The following CACNB2 variants were observed in gnomAD, a reference collection of about 807,000 sequenced individuals.
The protein encoded by CACNB2 is voltage-dependent L-type calcium channel subunit beta-2.
CACNB2 carries 42 observed loss-of-function variants against 73.3 expected under a neutral mutation model. The observed-to-expected ratio is 0.57, with a 90% CI of 0.45 to 0.74. The LOEUF is 0.74. Among genes scored for constraint, CACNB2 ranks in the 30% least tolerant of loss-of-function variants. The probability of loss-of-function intolerance (pLI) is 0.00; values close to 1 mark genes in which losing one functional copy is unlikely to be tolerated. For synonymous variants in CACNB2, 348 were observed against 310.3 expected, an observed-to-expected ratio of 1.12 and a Z score of -1.28; for missense variants, 940 against 853.0, an observed-to-expected ratio of 1.10 and a Z score of -1.27.
chr10:18,401,180 A>AG (rs2043977033), intron 2 of CACNB2: 8 of 1,552,582 alleles, frequency 5.2e-6, no homozygotes, highest in Non-Finnish European at 4.4e-6. Flanking sequence ...GCAGGTAGAG[A>AG]GGGTGGTTTG....
At chr10:18,443,081 G>A (rs1314554149) in intron 3 of CACNB2, among the ~76,000 whole-genome samples, 3 of 147,586 alleles carry the variant, frequency 2.0e-5, no homozygotes, top group Admixed American at 6.8e-5. Context: ...TATGAAGGCT[G>A]AACAGATCTT....
intron 9 of CACNB2, among the ~76,000 whole-genome samples, 159 bp from the exon 10 acceptor site, chr10:18,527,429 A>G (rs1049301562): frequency 1.3e-5 from 2 of 152,172 alleles, no homozygotes; most frequent in Admixed American, 6.6e-5. Flanking sequence ...TGAATAAGTA[A>G]AAAGAAAAAA....
intron 2 of CACNB2, among the ~76,000 whole-genome samples, chr10:18,366,287 A>C (rs1308101230): frequency 1.3e-5 from 2 of 151,418 alleles, no homozygotes; most frequent in Non-Finnish European, 2.9e-5. Context: ...AACACGGTGA[A>C]ACCCCGTCTC....
At chr10:18,430,452 C>T (rs1225039625) in intron 3 of CACNB2, among the ~76,000 whole-genome samples, 2 of 151,960 alleles carry the variant, frequency 1.3e-5, no homozygotes, top group Admixed American at 6.6e-5. Flanking sequence ...TAGGGAGACC[C>T]TGTCTCTTAA....
chr10:18,496,987 G>A (rs1469813676), intron 3 of CACNB2, among the ~76,000 whole-genome samples: 2 of 151,526 alleles, frequency 1.3e-5, no homozygotes, highest in Non-Finnish European at 2.9e-5. Context: ...GAGGCGGGCA[G>A]ATCACCCAAG....
At chr10:18,336,021 G>A (rs1353763715) in intron 2 of CACNB2, among the ~76,000 whole-genome samples, 1 of 152,080 alleles carries the variant, frequency 6.6e-6, no homozygotes, top group Non-Finnish European at 1.5e-5. Context: ...AAAGTGGGCT[G>A]GGTTTGGAAA....
chr10:18,234,910 G>A (rs1159694251), intron 2 of CACNB2, among the ~76,000 whole-genome samples: 1 of 152,040 alleles, frequency 6.6e-6, no homozygotes, highest in Admixed American at 6.6e-5. Context: ...TTGGGAGGCT[G>A]AGGCGGGCAG....
At chr10:18,381,586 G>A (rs1462947591) in intron 2 of CACNB2, among the ~76,000 whole-genome samples, 2 of 151,764 alleles carry the variant, frequency 1.3e-5, no homozygotes, top group Non-Finnish European at 2.9e-5. Context: ...TACTGGGGTG[G>A]CTGAGGCAGG....
At chr10:18,155,341 T>C (rs1304608127) in intron 2 of CACNB2, among the ~76,000 whole-genome samples, 3 of 152,256 alleles carry the variant, frequency 2.0e-5, no homozygotes, top group African/African-American at 7.2e-5. Context: ...ATGGCTGTTA[T>C]ATTTATCTAT....
At chr10:18,493,653 T>A (rs2049601370) in intron 3 of CACNB2, among the ~76,000 whole-genome samples, 1 of 152,218 alleles carries the variant, frequency 6.6e-6, no homozygotes, top group Non-Finnish European at 1.5e-5. Flanking sequence ...TGTGAACTTA[T>A]GCTTAATGAG....
chr10:18,282,015 G>A (rs6482259), intron 2 of CACNB2, among the ~76,000 whole-genome samples: 115,223 of 145,072 alleles, frequency 0.79, 46,049 homozygotes, highest in East Asian at 0.99. Flanking sequence ...GGGAAATAAT[G>A]TTATTAAAGT....
rs370087190 is a variant in CACNB2, at chr10:18,140,425, C to A, written c.-312C>A. Among the ~76,000 whole-genome samples, 1 of 151,974 alleles carries A rather than the reference C, an allele frequency of 6.6e-6. No homozygotes were observed. Among genetic ancestry groups the A allele is most frequent in the Non-Finnish European group, 1.5e-5 (1 of 67,932 alleles). On this transcript the variant is annotated 5_prime_UTR_variant, in exon 1 of 14. Coordinates refer to ENST00000324631, the MANE Select transcript of CACNB2 (RefSeq NM_201596.3). ...CCGGCGCCCGCGGCTCCGATCCCCG[C>A]CGCGCTGCGCCCGCTCTCCCGGCCC... is the stretch of plus-strand genomic sequence containing the variant.
Position 18,140,655 on chromosome 10 carries a change from C to T in CACNB2, c.-82C>T. On this transcript the variant is annotated 5_prime_UTR_variant, in exon 1 of 14. Coordinates refer to ENST00000324631, the MANE Select transcript of CACNB2 (RefSeq NM_201596.3). ...GCCCTGGGCGGCCCCCAGAGCCGAT[C>T]AGAGCGCGGGGAGGCGGGGGCGAGG... The T allele has an allele frequency of 2.3e-6, 3 of 1,287,732 alleles. No homozygotes were observed. The highest frequency in any genetic ancestry group is 3.3e-6 in the Non-Finnish European group (3 of 910,900). 79.8% of individuals were successfully genotyped at this position (1,287,732 alleles called of 1,614,324 possible).
At position 18,542,440 on chromosome 10, in the gene CACNB2, TTTA is replaced by T. The variant is rs551918271; in HGVS notation, c.*2722_*2724del. The T allele has an allele frequency of 7.9e-5, 12 of 152,360 alleles. No individual in the cohort carries two copies. Among genetic ancestry groups the T allele is most frequent in the African/African-American group, 2.6e-4 (11 of 41,584 alleles). 9.4% of individuals were successfully genotyped at this position (152,360 alleles called of 1,614,324 possible). A position where few individuals can be genotyped will look rare whatever the true frequency, so the allele number is the denominator to read the frequency against. The stretch of plus-strand genomic sequence containing the variant: ...AGATTCACAATTATTAGTTCAATCC[TTTA>T]TTATTTCATCCCAATTAATGATTTT... On this transcript the variant is annotated 3_prime_UTR_variant, in exon 14 of 14. Transcript: ENST00000324631.
intron 2 of CACNB2, among the ~76,000 whole-genome samples, chr10:18,248,480 T>G (rs1352933095): frequency 1.3e-5 from 2 of 152,206 alleles, no homozygotes; most frequent in Non-Finnish European, 1.5e-5. Context: ...GAGAAGAACT[T>G]TTTCTGTTGT....
chr10:18,501,602 T>C (rs1380588373), intron 5 of CACNB2, among the ~76,000 whole-genome samples: 1 of 152,254 alleles, frequency 6.6e-6, no homozygotes, highest in African/African-American at 2.4e-5. Context: ...GAATTTTCCA[T>C]GGAATCGTAT....
chr10:18,334,971 A>G (rs2040943874), intron 2 of CACNB2, among the ~76,000 whole-genome samples: 1 of 152,142 alleles, frequency 6.6e-6, no homozygotes, highest in African/African-American at 2.4e-5. Flanking sequence ...GTACTCAACA[A>G]TGAAAATATA....
At chr10:18,284,495 G>T (rs904546884) in intron 2 of CACNB2, among the ~76,000 whole-genome samples, 2 of 152,142 alleles carry the variant, frequency 1.3e-5, no homozygotes, top group African/African-American at 4.8e-5. Flanking sequence ...GGATATACCT[G>T]GTTGGACACA....
At chr10:18,142,056 G>A (rs978108994) in intron 1 of CACNB2, among the ~76,000 whole-genome samples, 3 of 152,316 alleles carry the variant, frequency 2.0e-5, no homozygotes, top group Non-Finnish European at 4.4e-5. Flanking sequence ...GCTAATAAAG[G>A]TGGCAAATGT....
Sources: gnomAD v4.1 joint callset for allele counts (sites outside exome capture counted in the v4.1 genomes callset) on GRCh38, gnomAD v4.1.1 for gene constraint, MANE v1.5 for transcripts, NCBI Gene and HGNC (gene_info 2026-07-23, HGNC 2026-07-21) for gene names.